Variants in LTA4H observed in about 807,000 individuals in gnomAD.
LTA4H encodes leukotriene A4 hydrolase.
A neutral mutation model predicts 89.8 loss-of-function variants in LTA4H; 59 were observed. The observed-to-expected ratio is 0.66, with a 90% CI of 0.53 to 0.82. LTA4H has a LOEUF of 0.82. Ranked by LOEUF, LTA4H falls within the 40% of genes least tolerant of loss-of-function variation. LTA4H has a pLI of 0.00. For synonymous variants in LTA4H, 227 were observed against 253.1 expected, an observed-to-expected ratio of 0.90 and a Z score of 0.98; for missense variants, 617 against 727.0, an observed-to-expected ratio of 0.85 and a Z score of 1.74.
chr12:96,035,732 C>CT, upstream of LTA4H: 1 of 1,289,436 alleles, frequency 7.8e-7, no homozygotes, highest in South Asian at 1.8e-5. Flanking sequence ...CAAGCGGGCG[C>CT]TTGGCTACCT....
At chr12:96,035,978 A>G (rs1950638580), upstream of LTA4H, among the ~76,000 whole-genome samples, 1 of 152,322 alleles carries the variant, frequency 6.6e-6, no homozygotes, top group South Asian at 2.1e-4. Context: ...GGGCGGAGCA[A>G]AAACGTAGAA....
At chr12:96,007,055 G>A (rs1950213872) in intron 15 of LTA4H, among the ~76,000 whole-genome samples, 1 of 152,050 alleles carries the variant, frequency 6.6e-6, no homozygotes, top group Admixed American at 6.5e-5. Context: ...AGAAATATAT[G>A]CAAATACTAA....
chr12:96,025,369 C>G (rs945361722), intron 3 of LTA4H: 1 of 152,252 alleles, frequency 6.6e-6, no homozygotes, highest in Non-Finnish European at 1.5e-5. Context: ...AGAAATGTTG[C>G]TGTAATCCTG....
intron 1 of LTA4H, among the ~76,000 whole-genome samples, chr12:96,030,411 C>T (rs1205643667): frequency 6.6e-6 from 1 of 152,150 alleles, no homozygotes; most frequent in Non-Finnish European, 1.5e-5. Context: ...GGACCTCAGT[C>T]GAATCGCCTG....
At chr12:96,016,281 AGAGT>A (rs1402565447) in intron 10 of LTA4H, among the ~76,000 whole-genome samples, 1 of 141,072 alleles carries the variant, frequency 7.1e-6, no homozygotes, top group Non-Finnish European at 1.5e-5. Flanking sequence ...CCTGGGCGAC[AGAGT>A]GAGACTCCAT....
intron 5 of LTA4H, among the ~76,000 whole-genome samples, chr12:96,021,397 G>A (rs1216615182): frequency 2.6e-5 from 4 of 152,036 alleles, no homozygotes; most frequent in Non-Finnish European, 5.9e-5. Context: ...TGAAAAACAA[G>A]ATCACACATA....
chr12:96,032,724 T>C (rs2540489), intron 1 of LTA4H, among the ~76,000 whole-genome samples: 42,673 of 152,166 alleles, frequency 0.28, 6,652 homozygotes, highest in East Asian at 0.42. Flanking sequence ...CAGGCTCTAA[T>C]TTGCTAAACA....
At chr12:96,036,726 G>A (rs1950650642), upstream of LTA4H, among the ~76,000 whole-genome samples, 1 of 152,232 alleles carries the variant, frequency 6.6e-6, no homozygotes, top group Non-Finnish European at 1.5e-5. Flanking sequence ...ACCAGAGGTA[G>A]TAGTCTATAT....
chr12:96,027,088 A>G (rs1408176758), intron 3 of LTA4H, among the ~76,000 whole-genome samples: 1 of 152,172 alleles, frequency 6.6e-6, no homozygotes, highest in Non-Finnish European at 1.5e-5. Flanking sequence ...CCATTTCTTT[A>G]CTATTAGCAT....
chr12:96,034,961 A>C (rs1480911352), intron 1 of LTA4H, among the ~76,000 whole-genome samples: 1 of 152,162 alleles, frequency 6.6e-6, no homozygotes, highest in African/African-American at 2.4e-5. Flanking sequence ...AGCAATGGGG[A>C]GGCCATGGAG....
At chr12:96,016,938 A>C in intron 10 of LTA4H, 106 bp downstream of exon 10, 1 of 791,398 alleles carries the variant, frequency 1.3e-6, no homozygotes, top group East Asian at 2.4e-5. Flanking sequence ...AGAGATGATA[A>C]CAAAGAAAAA....
chr12:96,009,220 A>G, intron 14 of LTA4H, 72 bp from the exon 15 acceptor site: 1 of 975,644 alleles, frequency 1.0e-6, no homozygotes, highest in Non-Finnish European at 1.6e-6. Flanking sequence ...AAGCTACAGT[A>G]CATACTTAAA....
chr12:96,024,999 T>A (rs1950497968), intron 3 of LTA4H, among the ~76,000 whole-genome samples: 1 of 152,134 alleles, frequency 6.6e-6, no homozygotes, highest in Non-Finnish European at 1.5e-5. Context: ...AAAAATAGAT[T>A]CTTGGACTTT....
At chr12:96,015,308 A>G in intron 11 of LTA4H, 1 of 506,298 alleles carries the variant, frequency 2.0e-6, no homozygotes, top group South Asian at 3.5e-5. Flanking sequence ...AAAATGACAT[A>G]CCAAATAAGA....
chr12:96,038,484 G>A (rs1467706735), upstream of LTA4H, among the ~76,000 whole-genome samples: 4 of 151,896 alleles, frequency 2.6e-5, no homozygotes, highest in African/African-American at 9.7e-5. Context: ...GGACTCAAGC[G>A]ATTCTCGTGC....
chr12:96,003,751 G>A (rs1950148091), intron 17 of LTA4H, 87 bp downstream of exon 17: 1 of 814,894 alleles, frequency 1.2e-6, no homozygotes, highest in Non-Finnish European at 2.0e-6. Flanking sequence ...ACTCAAGTAT[G>A]TCTCATACTC....
chr12:96,015,837 C>A, intron 10 of LTA4H, 143 bp from the exon 11 acceptor site: 1 of 615,044 alleles, frequency 1.6e-6, no homozygotes, highest in Non-Finnish European at 2.8e-6. Flanking sequence ...CTCTGGCTCC[C>A]AGGCAGTCAA....
chr12:96,020,239 C>T (rs1374979075), intron 6 of LTA4H, among the ~76,000 whole-genome samples: 1 of 152,120 alleles, frequency 6.6e-6, no homozygotes, highest in African/African-American at 2.4e-5. Context: ...TGGGTATAAA[C>T]TTTGTCATGC....
intron 8 of LTA4H, 78 bp downstream of exon 8, chr12:96,018,685 A>T: frequency 9.8e-7 from 1 of 1,016,644 alleles, no homozygotes; most frequent in African/African-American, 1.6e-5. Flanking sequence ...ACATATATAT[A>T]CATATTATTA....
Sources: gnomAD v4.1 joint callset for allele counts (sites outside exome capture counted in the v4.1 genomes callset) on GRCh38, gnomAD v4.1.1 for gene constraint, MANE v1.5 for transcripts, NCBI Gene and HGNC (gene_info 2026-07-23, HGNC 2026-07-21) for gene names.